The following TTC28 variants were observed in gnomAD, a reference collection of about 807,000 sequenced individuals.
TTC28 encodes the protein tetratricopeptide repeat domain 28, also known as tetratricopeptide repeat protein 28.
In TTC28, 61 loss-of-function variants were observed where a neutral mutation model predicts 198.0. That is an observed-to-expected ratio of 0.31 (90% CI 0.25 to 0.38). The LOEUF (loss-of-function observed/expected upper bound fraction) is 0.38. Among genes scored for constraint, TTC28 ranks in the 10% least tolerant of loss-of-function variants. The pLI is 1.00. For missense variants in TTC28, 2,678 were observed against 3,164.0 expected, an observed-to-expected ratio of 0.85 and a Z score of 3.69; for synonymous variants, 1,171 against 1,297.8, an observed-to-expected ratio of 0.90 and a Z score of 2.10.
chr22:28,048,797 G>A (rs914892873), intron 12 of TTC28, among the ~76,000 whole-genome samples: 1 of 151,960 alleles, frequency 6.6e-6, no homozygotes, highest in Admixed American at 6.6e-5. Context: ...CTTGCAGTGG[G>A]CCACCTCCCT....
intron 2 of TTC28, among the ~76,000 whole-genome samples, chr22:28,427,914 A>G (rs1004917570): frequency 6.6e-6 from 1 of 152,114 alleles, no homozygotes; most frequent in African/African-American, 2.4e-5. Flanking sequence ...CAATGTGCCA[A>G]ATGACTCTCC....
rs1401765432 is a variant in TTC28, at chr22:28,108,054, G to A, written c.1791C>T (p.Leu597=). ...AGCAGTGGAAATTGCCCAGGTTGCT[G>A]AGGGCCCGGGCCTCGCTCTGGATGT... ...LRDIQSEARA[L]SNLGNFHCSR... The change falls in exon 7 of 23, where the codon CTC becomes CTT. Residue 597 remains leucine (L), a synonymous_variant. Transcript: ENST00000397906. 1.3e-6 allele frequency: 2 copies of A among 1,551,544 alleles called. No homozygotes were observed. The highest frequency in any genetic ancestry group is 1.7e-6 in the Non-Finnish European group (2 of 1,147,002).
intron 1 of TTC28, among the ~76,000 whole-genome samples, chr22:28,679,106 G>T (rs910995506): frequency 6.6e-6 from 1 of 152,226 alleles, no homozygotes; most frequent in African/African-American, 2.4e-5. Context: ...AGCTGAGGTG[G>T]GTGGAACGCT....
chr22:28,567,257 C>CA (rs2049984749), intron 2 of TTC28, among the ~76,000 whole-genome samples: 1 of 140,018 alleles, frequency 7.1e-6, no homozygotes, highest in East Asian at 2.1e-4. Context: ...GGCATGGTAA[C>CA]ACATGCCTAC....
At chr22:28,031,392 A>G (rs1347154722) in intron 12 of TTC28, among the ~76,000 whole-genome samples, 1 of 152,200 alleles carries the variant, frequency 6.6e-6, no homozygotes, top group Admixed American at 6.5e-5. Context: ...CAGGAAAACT[A>G]CTTTCAGACC....
chr22:28,018,215 G>C (rs1034770395), intron 13 of TTC28, among the ~76,000 whole-genome samples: 1 of 142,370 alleles, frequency 7.0e-6, no homozygotes, highest in Non-Finnish European at 1.5e-5. Flanking sequence ...GGTCCTTTGA[G>C]AATACTCCTC....
chr22:28,451,416 A>G (rs1222654177), intron 2 of TTC28, among the ~76,000 whole-genome samples: 1 of 152,236 alleles, frequency 6.6e-6, no homozygotes, highest in African/African-American at 2.4e-5. Context: ...GAAAATGTCC[A>G]GCATTCAGTC....
At chr22:28,503,780 A>T (rs2048567755) in intron 2 of TTC28, among the ~76,000 whole-genome samples, 1 of 152,232 alleles carries the variant, frequency 6.6e-6, no homozygotes, top group Admixed American at 6.5e-5. Flanking sequence ...ATAAGTAGTC[A>T]TTAGCTCCAG....
intron 5 of TTC28, among the ~76,000 whole-genome samples, chr22:28,250,333 T>C (rs1361115310): frequency 2.0e-5 from 3 of 152,230 alleles, no homozygotes; most frequent in African/African-American, 7.2e-5. Context: ...TATTTCAAAA[T>C]TTAAAACTCT....
chr22:28,013,006 G>A (rs1355938346), intron 14 of TTC28, among the ~76,000 whole-genome samples: 1 of 145,592 alleles, frequency 6.9e-6, no homozygotes, highest in Non-Finnish European at 1.5e-5. Context: ...ACCACACCCT[G>A]TCCCCAAGCC....
At chr22:28,093,463 C>T (rs1941873045) in intron 12 of TTC28, among the ~76,000 whole-genome samples, 2 of 152,162 alleles carry the variant, frequency 1.3e-5, no homozygotes, top group African/African-American at 4.8e-5. Context: ...TCTAAGATAC[C>T]CTCTTCCTTT....
intron 1 of TTC28, among the ~76,000 whole-genome samples, chr22:28,634,442 G>A (rs12628675): frequency 0.077 from 11,572 of 150,660 alleles, 552 homozygotes; most frequent in Admixed American, 0.14. Flanking sequence ...CCTGGGAATC[G>A]GAGGTTGCAG....
At chr22:28,156,054 G>A (rs911508247) in intron 6 of TTC28, among the ~76,000 whole-genome samples, 1 of 152,170 alleles carries the variant, frequency 6.6e-6, no homozygotes, top group African/African-American at 2.4e-5. Context: ...TGAAAAACAA[G>A]AAAATAAATC....
At chr22:28,099,589 A>C (rs1942081441) in intron 9 of TTC28, among the ~76,000 whole-genome samples, 1 of 152,210 alleles carries the variant, frequency 6.6e-6, no homozygotes, top group South Asian at 2.1e-4. Flanking sequence ...GCATCAGATC[A>C]TGCCCAGTAA....
chr22:28,673,863 G>A (rs1227542603), intron 1 of TTC28, among the ~76,000 whole-genome samples: 1 of 152,076 alleles, frequency 6.6e-6, no homozygotes, highest in Non-Finnish European at 1.5e-5. Context: ...CAAAATAAAT[G>A]TTCTACCAAG....
chr22:28,135,403 C>G lies in TTC28; in HGVS notation c.1442-27000G>C, dbSNP rs560152783. ...AATTAAATTTCAAAAATTTTACCCT[C>G]TAAATGACTTACACATAGCTTTGAA... On this transcript the variant is annotated intron_variant, in intron 6 of 22. Transcript: ENST00000397906. 2.6e-5 allele frequency among the ~76,000 whole-genome samples: 4 copies of G among 152,330 alleles called. No individual in the cohort carries two copies. In the East Asian group the frequency reaches 7.7e-4, roughly 29 times the overall value.
intron 2 of TTC28, among the ~76,000 whole-genome samples, chr22:28,617,031 T>C (rs1881651233): frequency 6.6e-6 from 1 of 152,180 alleles, no homozygotes; most frequent in Non-Finnish European, 1.5e-5. Context: ...TTTGGGTTCT[T>C]TTCCACTGAC....
intron 5 of TTC28, among the ~76,000 whole-genome samples, chr22:28,274,754 C>A (rs932901959): frequency 6.6e-6 from 1 of 151,892 alleles, no homozygotes; most frequent in Non-Finnish European, 1.5e-5. Flanking sequence ...CCGAGGCGGG[C>A]GGATCACCTG....
chr22:28,634,335 C>A (rs1035718297), intron 1 of TTC28, among the ~76,000 whole-genome samples: 3 of 152,010 alleles, frequency 2.0e-5, no homozygotes, highest in African/African-American at 4.8e-5. Context: ...CATGATAAAA[C>A]CCCGTCTCTA....
Sources: allele counts gnomAD v4.1 joint callset (sites outside exome capture counted in the v4.1 genomes callset), GRCh38; gene constraint gnomAD v4.1.1; transcripts MANE v1.5; gene names NCBI Gene and HGNC (gene_info 2026-07-23, HGNC 2026-07-21).